The following TAF4 variants were observed in gnomAD, a reference collection of about 807,000 sequenced individuals.
TAF4 encodes TATA-box binding protein associated factor 4, also known as transcription initiation factor TFIID subunit 4.
In TAF4, 9 loss-of-function variants were observed where a neutral mutation model predicts 90.3. The observed-to-expected ratio is 0.10, with a 90% CI of 0.06 to 0.17. TAF4 has a LOEUF of 0.17. TAF4 is among the 10% of genes least tolerant of loss of function. The probability of loss-of-function intolerance (pLI) is 1.00; values close to 1 mark genes in which losing one functional copy is unlikely to be tolerated. For synonymous variants in TAF4, 818 were observed against 638.9 expected (o/e 1.28, Z -4.23); for missense variants, 1,351 against 1,370.7 (o/e 0.99, Z 0.23).
chr20:61,983,006 C>T (rs535631717), intron 14 of TAF4, among the ~76,000 whole-genome samples: 3 of 152,138 alleles, frequency 2.0e-5, no homozygotes, highest in South Asian at 2.1e-4. Context: ...CTCTATTGGG[C>T]GGGAAACTGC....
chr20:62,053,279 G>C (rs181355261), intron 1 of TAF4, among the ~76,000 whole-genome samples: 1 of 152,046 alleles, frequency 6.6e-6, no homozygotes, highest in Non-Finnish European at 1.5e-5. Flanking sequence ...GAGCCACGGC[G>C]GCCCTGAGTG....
chr20:61,999,142 A>T (rs1394717804), intron 11 of TAF4, 34 bp from the exon 12 acceptor site: 2 of 1,609,704 alleles, frequency 1.2e-6, no homozygotes, highest in Non-Finnish European at 1.7e-6. Context: ...CTTGTCATAA[A>T]TCTGAGAGCC....
At chr20:62,060,933 G>A (rs1176560314) in intron 1 of TAF4, among the ~76,000 whole-genome samples, 1 of 152,244 alleles carries the variant, frequency 6.6e-6, no homozygotes, top group Non-Finnish European at 1.5e-5. Context: ...AACTGGGAGA[G>A]TTTGGAATAG....
chr20:62,035,755 G>C (rs565036917), intron 1 of TAF4, among the ~76,000 whole-genome samples: 1 of 152,116 alleles, frequency 6.6e-6, no homozygotes, highest in Admixed American at 6.5e-5. Flanking sequence ...ACACCATAAA[G>C]AAAGTGAAAA....
intron 1 of TAF4, among the ~76,000 whole-genome samples, chr20:62,056,908 C>G (rs2056067777): frequency 6.6e-6 from 1 of 152,204 alleles, no homozygotes; most frequent in Non-Finnish European, 1.5e-5. Flanking sequence ...TCCCGTGTCA[C>G]CCTTGTTCCT....
At chr20:62,016,166 A>G (rs1437170974) in intron 1 of TAF4, among the ~76,000 whole-genome samples, 1 of 152,214 alleles carries the variant, frequency 6.6e-6, no homozygotes, top group African/African-American at 2.4e-5. Flanking sequence ...GCGCGTAACG[A>G]GGGAGAGTTC....
intron 14 of TAF4, among the ~76,000 whole-genome samples, chr20:61,983,204 C>G (rs543066525): frequency 4.0e-5 from 6 of 151,312 alleles, no homozygotes; most frequent in Admixed American, 2.6e-4. Context: ...GCAGCGTGAA[C>G]AGTCCTGTGA....
intron 3 of TAF4, chr20:62,012,601 T>TAAAA: frequency 1.8e-6 from 1 of 557,148 alleles, no homozygotes; most frequent in South Asian, 3.6e-5. Context: ...TCTGTGTGAC[T>TAAAA]AAAAAAAAGA....
chr20:62,065,611 G>A lies in TAF4; in HGVS notation c.200C>T (p.Pro67Leu), dbSNP rs2056126609. Reference sequence around the variant, plus strand: ...CGGCCCTGCGCCCGCGGCTCCGGCCGGGCTGCCGCTCACAACATGGTTCCC... The same window carrying A: ...CGGCCCTGCGCCCGCGGCTCCGGCCAGGCTGCCGCTCACAACATGGTTCCC... ...ALGNHVVSGS[P>L]AGAAGAGPAA... Residue 67 changes from proline (P) to leucine (L), a missense_variant, in exon 1 of 15, where the codon CCG (proline) becomes CTG (leucine). Transcript: ENST00000252996. The A allele has an allele frequency of 3.0e-6, 3 of 1,002,608 alleles. No individual in the cohort carries two copies. The highest frequency in any genetic ancestry group is 3.6e-6 in the Non-Finnish European group (3 of 843,460). 62.1% of individuals were successfully genotyped at this position (1,002,608 alleles called of 1,614,324 possible). A position where few individuals can be genotyped will look rare whatever the true frequency, so the allele number is the denominator to read the frequency against.
intron 1 of TAF4, among the ~76,000 whole-genome samples, chr20:62,050,185 C>G (rs1458446084): frequency 1.3e-5 from 2 of 152,182 alleles, no homozygotes; most frequent in Non-Finnish European, 2.9e-5. Flanking sequence ...CCAGAAGGTT[C>G]TGCACAGCAG....
intron 1 of TAF4, among the ~76,000 whole-genome samples, chr20:62,023,747 C>CAAAAAA (rs59813943): frequency 1.8e-4 from 11 of 59,562 alleles, no homozygotes; most frequent in African/African-American, 2.8e-4. Context: ...GACTCCATCT[C>CAAAAAA]AAAAAAAAAA....
At chr20:62,053,206 C>T (rs564115971) in intron 1 of TAF4, among the ~76,000 whole-genome samples, 6 of 152,192 alleles carry the variant, frequency 3.9e-5, no homozygotes, top group Non-Finnish European at 8.8e-5. Context: ...GCCTCCAAGA[C>T]GCCCAGTCCG....
At chr20:62,016,015 G>A (rs1461103507) in intron 1 of TAF4, among the ~76,000 whole-genome samples, 1 of 152,154 alleles carries the variant, frequency 6.6e-6, no homozygotes, top group Non-Finnish European at 1.5e-5. Context: ...TAACCTGCTG[G>A]AATCTCCAAG....
rs569696179 is a variant in TAF4 at position 62,009,434 on chromosome 20, G to C, written c.1762-260C>G. Among the ~76,000 whole-genome samples the C allele has an allele frequency of 3.3e-5, 5 of 152,338 alleles. No individual in the cohort carries two copies. The South Asian group carries it at 1.0e-3, about 32-fold the overall frequency. ...TGCAGCTATGCAAATAATTAAAAAA[G>C]TGAAAAGAGACTCTGCGAAGATGCC... is the stretch of plus-strand genomic sequence containing the variant. On this transcript the variant is annotated intron_variant, in intron 4 of 14. Coordinates refer to ENST00000252996, the MANE Select transcript of TAF4 (RefSeq NM_003185.4).
chr20:62,041,216 G>A (rs565234847), intron 1 of TAF4, among the ~76,000 whole-genome samples: 2 of 152,334 alleles, frequency 1.3e-5, no homozygotes, highest in Admixed American at 1.3e-4. Context: ...GGGGCTGAAC[G>A]AAATGGGGGT....
intron 1 of TAF4, among the ~76,000 whole-genome samples, chr20:62,038,477 G>A (rs1034008532): frequency 4.6e-5 from 7 of 151,714 alleles, no homozygotes; most frequent in African/African-American, 9.7e-5. Flanking sequence ...GACCCACCGC[G>A]CCCGGCCAAA....
At chr20:62,007,728 T>C in intron 5 of TAF4, 92 bp from the exon 6 acceptor site, 1 of 1,252,626 alleles carries the variant, frequency 8.0e-7, no homozygotes, top group Non-Finnish European at 1.1e-6. Flanking sequence ...ATTTTACGGC[T>C]GATTCCGCCC....
At chr20:62,062,817 A>G (rs1437419073) in intron 1 of TAF4, among the ~76,000 whole-genome samples, 4 of 152,230 alleles carry the variant, frequency 2.6e-5, no homozygotes, top group African/African-American at 9.6e-5. Context: ...AGTGGCTCAG[A>G]GCAAGAGGAC....
intron 14 of TAF4, among the ~76,000 whole-genome samples, chr20:61,976,924 G>A (rs1054266271): frequency 5.3e-5 from 8 of 152,186 alleles, no homozygotes; most frequent in African/African-American, 1.7e-4. Context: ...GGTGTCTCCC[G>A]AGCTGCCTCA....
Sources: gnomAD v4.1 joint callset for allele counts (sites outside exome capture counted in the v4.1 genomes callset) on GRCh38, gnomAD v4.1.1 for gene constraint, MANE v1.5 for transcripts, NCBI Gene and HGNC (gene_info 2026-07-23, HGNC 2026-07-21) for gene names.